TBC1D16: variants seen among roughly 807,000 people sequenced by gnomAD.
TBC1D16 encodes CTD-2529O21.1.
Under a neutral mutation model 74.7 loss-of-function variants are expected in TBC1D16, and 58 were observed. That is an observed-to-expected ratio of 0.78 (90% CI 0.63 to 0.97). TBC1D16 has a LOEUF of 0.97. Ranked by LOEUF, TBC1D16 falls within the 50% of genes least tolerant of loss-of-function variation. The pLI, the probability that TBC1D16 is intolerant of heterozygous loss-of-function variation, is 0.00. For synonymous variants in TBC1D16, 493 were observed against 474.7 expected, an observed-to-expected ratio of 1.04 and a Z score of -0.50; for missense variants, 1,014 against 1,079.5, an observed-to-expected ratio of 0.94 and a Z score of 0.85.
intron 4 of TBC1D16, 30 bp from the exon 5 acceptor site, chr17:79,951,627 A>C (rs755906972): frequency 6.2e-7 from 1 of 1,605,006 alleles, no homozygotes; most frequent in Non-Finnish European, 8.5e-7. Flanking sequence ...GGGAGAGGGA[A>C]GCCCGATGAA....
chr17:79,967,795 A>G (rs925054352), intron 3 of TBC1D16, among the ~76,000 whole-genome samples: 3 of 152,200 alleles, frequency 2.0e-5, no homozygotes, highest in South Asian at 2.1e-4. Flanking sequence ...CCAAAACAAC[A>G]TTGAAAAATT....
intron 1 of TBC1D16, among the ~76,000 whole-genome samples, chr17:80,024,435 T>C (rs62074529): frequency 0.026 from 2,664 of 102,084 alleles, 892 homozygotes; most frequent in Non-Finnish European, 0.03. Context: ...ACACTACACA[T>C]CATAGACACA....
chr17:79,945,202 C>G, intron 9 of TBC1D16, 115 bp from the exon 10 acceptor site: 1 of 1,149,052 alleles, frequency 8.7e-7, no homozygotes, highest in East Asian at 2.6e-5. Context: ...AAAAGCACAC[C>G]CAGGGGCCTC....
intron 3 of TBC1D16, among the ~76,000 whole-genome samples, chr17:80,004,196 G>A (rs934035508): frequency 3.3e-5 from 5 of 152,258 alleles, no homozygotes; most frequent in Admixed American, 6.5e-5. Flanking sequence ...GCGGGACGGC[G>A]CAGACCTGGG....
rs1434328063 is a variant in TBC1D16 at position 79,944,920 on chromosome 17, C to T, written c.1896G>A (p.Trp632Ter). ...CTGCCCTGGTCACCTGGTAGTGGGCCCAGCAGGCCTCCCAGATCCGCAGCG... is the reference window on the plus strand; with the variant it reads ...CTGCCCTGGTCACCTGGTAGTGGGCTCAGCAGGCCTCCCAGATCCGCAGCG... ...AEALRIWEAC[W>*]AHYQTDYFHL... The change falls in exon 10 of 12, where the codon TGG becomes TGA. Residue 632 changes from tryptophan (W) to a stop codon, truncating the protein, a stop_gained. Transcript: ENST00000310924. LOFTEE classifies it high-confidence loss of function. The surrounding 1 kb of genome is among the most constrained non-coding windows in gnomAD (Gnocchi z 7.7). 6.4e-7 allele frequency: 1 copy of T among 1,550,812 alleles called. No homozygotes were observed. Among genetic ancestry groups the T allele is most frequent in the South Asian group, 1.2e-5 (1 of 84,026 alleles).
At position 79,979,610 on chromosome 17, in the gene TBC1D16, T is replaced by C. The variant is rs1303697299; in HGVS notation, c.780-26792A>G. Among the ~76,000 whole-genome samples the C allele has an allele frequency of 6.6e-6, 1 of 152,006 alleles. No homozygotes were observed. Among genetic ancestry groups the C allele is most frequent in the Non-Finnish European group, 1.5e-5 (1 of 68,008 alleles). The stretch of plus-strand genomic sequence containing the variant: ...TCACGGTTCCTGTCGCAGGTCCAGG[T>C]TATTCGGTGCCATAAAAAGGCACAC... On this transcript the variant is annotated intron_variant, in intron 3 of 11. Transcript: ENST00000310924. The surrounding 1 kb of genome is among the most constrained non-coding windows in gnomAD (Gnocchi z 4.8).
chr17:79,969,204 T>C (rs1282601705), intron 3 of TBC1D16, among the ~76,000 whole-genome samples: 3 of 152,030 alleles, frequency 2.0e-5, no homozygotes, highest in African/African-American at 4.8e-5. Context: ...CTGGCCAACA[T>C]GGTGAAACCC....
chr17:79,974,540 A>T (rs1457143825), intron 3 of TBC1D16, among the ~76,000 whole-genome samples: 6 of 152,118 alleles, frequency 3.9e-5, no homozygotes, highest in African/African-American at 1.4e-4. Flanking sequence ...GCCCAGCCCC[A>T]TTTAATACTT....
rs571099306 is a variant in TBC1D16, at chr17:79,986,762, C to A, written c.779+23398G>T. ...TCCAAGGAAGGCTCTACACACCCGG[C>A]CCTCCTCAGAGCCTCAGCCCGCAGC... On this transcript the variant is annotated intron_variant, in intron 3 of 11. Coordinates refer to ENST00000310924, the MANE Select transcript of TBC1D16 (RefSeq NM_019020.4). This position sits in a 1 kb window ranked among gnomAD's most constrained non-coding sequence, Gnocchi z 6.0. Among the ~76,000 whole-genome samples, 277 of 152,322 alleles carry A rather than the reference C, an allele frequency of 1.8e-3. No homozygotes were observed. The highest frequency in any genetic ancestry group is 3.6e-3 in the Admixed American group (55 of 15,298).
chr17:79,951,390 G>A (rs2033037731), intron 5 of TBC1D16, 60 bp downstream of exon 5: 1 of 1,578,852 alleles, frequency 6.3e-7, no homozygotes, highest in Non-Finnish European at 8.6e-7. Flanking sequence ...AGGGAGATGG[G>A]GCCCGTGGGG....
At chr17:80,024,813 A>G (rs1055119250) in intron 1 of TBC1D16, among the ~76,000 whole-genome samples, 7 of 146,936 alleles carry the variant, frequency 4.8e-5, no homozygotes, top group Non-Finnish European at 8.9e-5. Flanking sequence ...AGGCACATAC[A>G]CCATAGACAC....
intron 1 of TBC1D16, among the ~76,000 whole-genome samples, chr17:80,024,459 C>CCATAGACACACACACTACACAT (rs2036434707): frequency 1.1e-4 from 1 of 8,756 alleles, no homozygotes; most frequent in African/African-American, 2.2e-4. Context: ...ACCACACACA[C>CCATAGACACACACACTACACAT]CATAGACACA....
chr17:80,031,916 C>T (rs2036789384), intron 1 of TBC1D16, among the ~76,000 whole-genome samples: 1 of 152,194 alleles, frequency 6.6e-6, no homozygotes, highest in Non-Finnish European at 1.5e-5. Flanking sequence ...AGTGAATGCA[C>T]CGCAAAACAA....
At chr17:80,002,907 G>A (rs560506052) in intron 3 of TBC1D16, among the ~76,000 whole-genome samples, 4 of 152,252 alleles carry the variant, frequency 2.6e-5, no homozygotes, top group Admixed American at 1.3e-4. Flanking sequence ...GAACGGTGGC[G>A]CACGTAGGGA....
intron 2 of TBC1D16, 149 bp downstream of exon 2, chr17:80,013,218 T>G: frequency 1.3e-6 from 1 of 782,470 alleles, no homozygotes; most frequent in Non-Finnish European, 1.9e-6. Flanking sequence ...CCCCAGACCC[T>G]CCTTCCGGGA....
chr17:79,944,547 G>C lies in TBC1D16; in HGVS notation c.1908+361C>G, dbSNP rs538686132. ...TCGGCCCTCGTGGCAGGGCGGTCCC[G>C]AGGGGGTGGAGCGGTGCTGGCTCAC... is the stretch of plus-strand genomic sequence containing the variant. On this transcript the variant is annotated intron_variant, in intron 10 of 11. Transcript: ENST00000310924. This position sits in a 1 kb window ranked among gnomAD's most constrained non-coding sequence, Gnocchi z 7.7. Among the ~76,000 whole-genome samples the C allele has an allele frequency of 6.6e-6, 1 of 152,310 alleles. No individual in the cohort carries two copies. The highest frequency in any genetic ancestry group is 1.9e-4 in the East Asian group (1 of 5,176).
In TBC1D16 at chr17:80,010,638, C is replaced by A; in HGVS notation, c.301G>T (p.Glu101Ter). Residue 101 changes from glutamate to a stop codon, truncating the protein, a stop_gained, in exon 3 of 12, where the codon GAG (glutamate) becomes TAG (stop). Coordinates refer to ENST00000310924, the MANE Select transcript of TBC1D16 (RefSeq NM_019020.4). LOFTEE classifies it high-confidence loss of function. The surrounding 1 kb of genome is among the most constrained non-coding windows in gnomAD (Gnocchi z 8.8). ...GGTGCCTTGCGAACGGGGGAGCTCT[C>A]GGGTGTGATGTAGCGCAGGGCCTCC... ...DEEALRYITP[E>*]SSPVRKAPRP... 1 of 1,571,118 alleles carries A rather than the reference C, an allele frequency of 6.4e-7. No individual in the cohort carries two copies. The highest frequency in any genetic ancestry group is 8.6e-7 in the Non-Finnish European group (1 of 1,161,422).
chr17:80,005,153 C>A (rs990465406), intron 3 of TBC1D16, among the ~76,000 whole-genome samples: 3 of 152,346 alleles, frequency 2.0e-5, no homozygotes, highest in Non-Finnish European at 2.9e-5. Flanking sequence ...GATCATGGCT[C>A]ACTGCAGCCT....
In TBC1D16 at chr17:79,944,060, T is replaced by C. The variant is rs2032284783; in HGVS notation, c.1908+848A>G. The stretch of plus-strand genomic sequence containing the variant: ...GACCGCATGCAAAGGCGGCGTGTGG[T>C]ACCGGCACTCGGTGGCTTCAGACTC... On this transcript the variant is annotated intron_variant, in intron 10 of 11. Coordinates refer to ENST00000310924, the MANE Select transcript of TBC1D16 (RefSeq NM_019020.4). The surrounding 1 kb of genome is among the most constrained non-coding windows in gnomAD (Gnocchi z 7.7). 2.0e-6 allele frequency: 3 copies of C among 1,535,944 alleles called. No individual in the cohort carries two copies. In the East Asian group the frequency reaches 7.3e-5, roughly 38 times the overall value.
Sources: allele counts gnomAD v4.1 joint callset (sites outside exome capture counted in the v4.1 genomes callset), GRCh38; gene constraint gnomAD v4.1.1; non-coding constraint Gnocchi (gnomAD v3.1); transcripts MANE v1.5; gene names NCBI Gene and HGNC (gene_info 2026-07-23, HGNC 2026-07-21).